Variants in SCNN1B observed in about 807,000 individuals in gnomAD.
SCNN1B encodes the protein sodium channel epithelial 1 subunit beta.
Under a neutral mutation model 65.3 loss-of-function variants are expected in SCNN1B, and 46 were observed. The ratio of observed to expected loss-of-function variants is 0.70; its 90% confidence interval spans 0.56 to 0.90. The LOEUF is 0.90. SCNN1B is among the 40% of genes least tolerant of loss of function. The pLI, the probability that SCNN1B is intolerant of heterozygous loss-of-function variation, is 0.00. For synonymous variants in SCNN1B, 349 were observed against 330.6 expected (o/e 1.06, Z -0.60); for missense variants, 751 against 830.5 (o/e 0.90, Z 1.18).
chr16:23,357,340 T>G lies in SCNN1B; in HGVS notation c.776+1851T>G, dbSNP rs994785553. Among the ~76,000 whole-genome samples, 30 of 152,218 alleles carry G rather than the reference T, an allele frequency of 2.0e-4. 1 individual carries two copies. Among genetic ancestry groups the G allele is most frequent in the Admixed American group, 1.9e-3 (29 of 15,284 alleles). On this transcript the variant is annotated intron_variant, in intron 4 of 12. Coordinates refer to ENST00000343070, the MANE Select transcript of SCNN1B (RefSeq NM_000336.3). The stretch of plus-strand genomic sequence containing the variant: ...GCTCACGCCTGTAAGCCCAACACTT[T>G]GGGAGGCCAAGGCGGGTGGATCACC...
chr16:23,286,100 G>T (rs1186892571), intron 2 of SCNN1B, among the ~76,000 whole-genome samples: 1 of 152,202 alleles, frequency 6.6e-6, no homozygotes, highest in African/African-American at 2.4e-5. Context: ...ATTGGAGGCA[G>T]CTGTTGCATC....
chr16:23,304,073 A>T (rs1222383541), intron 1 of SCNN1B: 10 of 1,535,836 alleles, frequency 6.5e-6, no homozygotes, highest in African/African-American at 1.4e-5. Context: ...ATGCCTACCG[A>T]TGGGAATTTA....
At chr16:23,323,614 T>TGACCCAACTGGGGTTTG in intron 1 of SCNN1B, 1 of 702,886 alleles carries the variant, frequency 1.4e-6, no homozygotes, top group Non-Finnish European at 2.6e-6. Context: ...AGTGAGTAAG[T>TGACCCAACTGGGGTTTG]GACCCAACTG....
At position 23,367,865 on chromosome 16, in the gene SCNN1B, G is replaced by A. The variant is rs150781093; in HGVS notation, c.786G>A (p.Thr262=). The A allele has an allele frequency of 2.9e-5, 46 of 1,613,832 alleles. No homozygotes were observed. Among genetic ancestry groups the A allele is most frequent in the South Asian group, 9.9e-5 (9 of 91,080 alleles). The stretch of plus-strand genomic sequence containing the variant: ...ATGCTGTTTCTTTTAGGAACTTCAC[G>A]TCCATCTTCTACCCTCACTATGGCA... ...GAEPCNYRNF[T]SIFYPHYGNC... is the part of the protein sequence containing the mutation. Residue 262 remains threonine (T), a synonymous_variant, in exon 5 of 13, where the codon ACG becomes ACA. Transcript: ENST00000343070.
chr16:23,362,282 T>C (rs1030917025), intron 4 of SCNN1B, among the ~76,000 whole-genome samples: 3 of 150,836 alleles, frequency 2.0e-5, no homozygotes, highest in African/African-American at 4.9e-5. Context: ...GAGGCAGAGG[T>C]TGTATAGAGC....
At chr16:23,311,426 C>T (rs1961341517) in intron 1 of SCNN1B, among the ~76,000 whole-genome samples, 1 of 152,212 alleles carries the variant, frequency 6.6e-6, no homozygotes, top group Admixed American at 6.5e-5. Flanking sequence ...GGCTGGGTTG[C>T]ACCCTCCCAA....
chr16:23,336,473 G>T (rs1057345930), intron 1 of SCNN1B, among the ~76,000 whole-genome samples: 2 of 151,210 alleles, frequency 1.3e-5, no homozygotes, highest in African/African-American at 4.9e-5. Context: ...CCGGGTTCAA[G>T]CAATTCTCCT....
intron 1 of SCNN1B, among the ~76,000 whole-genome samples, chr16:23,313,904 C>T (rs976728823): frequency 1.2e-4 from 18 of 152,230 alleles, no homozygotes; most frequent in African/African-American, 3.9e-4. Context: ...GCCATGCACC[C>T]GGCCAGCAGC....
At chr16:23,368,331 G>C (rs1473456854) in intron 5 of SCNN1B, among the ~76,000 whole-genome samples, 1 of 152,056 alleles carries the variant, frequency 6.6e-6, no homozygotes. Context: ...TCAAGCCCAA[G>C]AGTTCGAGAC....
chr16:23,339,497 C>T (rs1383533555), intron 1 of SCNN1B, among the ~76,000 whole-genome samples: 1 of 152,028 alleles, frequency 6.6e-6, no homozygotes, highest in Non-Finnish European at 1.5e-5. Flanking sequence ...ATCCTCCTGG[C>T]TTGGCCTCCC....
chr16:23,375,691 C>T (rs1292577439), intron 7 of SCNN1B, 47 bp from the exon 8 acceptor site: 1 of 1,339,690 alleles, frequency 7.5e-7, no homozygotes, highest in Non-Finnish European at 1.1e-6. Context: ...GGGGACATCA[C>T]TGACCATGCC....
At chr16:23,372,276 C>A in intron 7 of SCNN1B, 1 of 328,500 alleles carries the variant, frequency 3.0e-6, no homozygotes, top group South Asian at 3.0e-5. Flanking sequence ...CATGAATCTA[C>A]AATATAGTAA....
chr16:23,352,691 ATCTT>A, intron 2 of SCNN1B, 106 bp from the exon 3 acceptor site: 1 of 1,166,370 alleles, frequency 8.6e-7, no homozygotes, highest in Non-Finnish European at 1.3e-6. Flanking sequence ...CTCAGGTAGT[ATCTT>A]TATAGCAGTG....
chr16:23,301,359 C>CAAAA (rs369302758), upstream of SCNN1B, among the ~76,000 whole-genome samples: 1,109 of 120,382 alleles, frequency 9.2e-3, 36 homozygotes, highest in African/African-American at 0.035. Context: ...GAGACTCTGT[C>CAAAA]AAAAAAAAAA....
intron 1 of SCNN1B, among the ~76,000 whole-genome samples, chr16:23,334,499 C>A (rs929410257): frequency 6.6e-6 from 1 of 152,148 alleles, no homozygotes; most frequent in African/African-American, 2.4e-5. Context: ...GGTGCTCCAG[C>A]CGCCCACAGG....
chr16:23,296,133 C>A (rs1222646326), intron 2 of SCNN1B, among the ~76,000 whole-genome samples: 1 of 152,074 alleles, frequency 6.6e-6, no homozygotes, highest in African/African-American at 2.4e-5. Flanking sequence ...AGAAGTCAGA[C>A]TGAGGTGACC....
chr16:23,361,255 T>C lies in SCNN1B; in HGVS notation c.776+5766T>C, dbSNP rs889969926. ...AGAGAGACTTTTTATCGAGGAATAG[T>C]TTTAGATTTACAGAAAAACCACAGC... is the stretch of plus-strand genomic sequence containing the variant. On this transcript the variant is annotated intron_variant, in intron 4 of 12. Transcript: ENST00000343070. Among the ~76,000 whole-genome samples the C allele has an allele frequency of 2.0e-5, 3 of 151,998 alleles. No homozygotes were observed. In the South Asian group the frequency reaches 6.2e-4, roughly 32 times the overall value.
In SCNN1B at chr16:23,339,902, G is replaced by T. The variant is rs553280391; in HGVS notation, c.-8-8690G>T. ...AAACTATATCAAACTACCTTCCAAA[G>T]TGACTGTACCATTTTGCATTCCAAC... On this transcript the variant is annotated intron_variant, in intron 1 of 12. Transcript: ENST00000343070. Among the ~76,000 whole-genome samples the T allele has an allele frequency of 1.1e-4, 16 of 152,122 alleles. No homozygotes were observed. In the South Asian group the frequency reaches 3.3e-3, roughly 32 times the overall value.
At chr16:23,358,902 C>G (rs1039401276) in intron 4 of SCNN1B, among the ~76,000 whole-genome samples, 1 of 152,206 alleles carries the variant, frequency 6.6e-6, no homozygotes, top group African/African-American at 2.4e-5. Flanking sequence ...GGGAGACTCT[C>G]TTAAAAAACA....
Sources: allele counts gnomAD v4.1 joint callset (sites outside exome capture counted in the v4.1 genomes callset), GRCh38; gene constraint gnomAD v4.1.1; transcripts MANE v1.5; gene names NCBI Gene and HGNC (gene_info 2026-07-23, HGNC 2026-07-21).